The following ANKUB1 variants were observed in gnomAD, a reference collection of about 807,000 sequenced individuals.
The protein encoded by ANKUB1 is ankyrin repeat and ubiquitin domain containing 1, also known as protein ANKUB1.
In ANKUB1, 42 loss-of-function variants were observed where a neutral mutation model predicts 49.3. The ratio of observed to expected loss-of-function variants is 0.85; its 90% CI spans 0.67 to 1.10. The LOEUF is 1.10. Ranked by LOEUF, ANKUB1 falls within the 50% of genes least tolerant of loss-of-function variation. ANKUB1 has a pLI of 0.00. For missense variants in ANKUB1, 613 were observed against 642.0 expected (o/e 0.95, Z 0.49); for synonymous variants, 222 against 231.0 (o/e 0.96, Z 0.35).
intron 3 of ANKUB1, among the ~76,000 whole-genome samples, chr3:149,773,093 G>A (rs1717436700): frequency 6.6e-6 from 1 of 152,124 alleles, no homozygotes; most frequent in Non-Finnish European, 1.5e-5. Flanking sequence ...GTGTCTTTAG[G>A]ATTCTTTCTA....
intron 4 of ANKUB1, among the ~76,000 whole-genome samples, chr3:149,770,184 T>G (rs1399414247): frequency 2.0e-5 from 3 of 152,230 alleles, no homozygotes; most frequent in Non-Finnish European, 2.9e-5. Context: ...GTTAATTGAC[T>G]GTGTTATCAG....
At chr3:149,782,785 C>T (rs1456170558) in intron 2 of ANKUB1, among the ~76,000 whole-genome samples, 1 of 152,190 alleles carries the variant, frequency 6.6e-6, no homozygotes, top group Non-Finnish European at 1.5e-5. Flanking sequence ...AGCAATCCAT[C>T]CACCTCAGCC....
In ANKUB1 at chr3:149,792,293, A is replaced by G; in HGVS notation, c.74T>C (p.Val25Ala). Residue 25 changes from valine (V) to alanine (A), a missense_variant, in exon 1 of 6, where the codon GTC (valine) becomes GCC (alanine). Val to Ala is a moderately conservative substitution (Grantham distance 64). Coordinates refer to ENST00000446160, the MANE Select transcript of ANKUB1 (RefSeq NM_001144960.3). ...AGTACATACCTTTATCATCAGCTTG[A>G]CAACCTCCACAGTTTCATCTGCTGA... Reference protein sequence around the residue: ...DVSADETVEVVKLMIKDYFHI... With the variant: ...DVSADETVEVAKLMIKDYFHI... 6.6e-7 allele frequency: 1 copy of G among 1,525,402 alleles called. No individual in the cohort carries two copies. The highest frequency in any genetic ancestry group is 8.8e-7 in the Non-Finnish European group (1 of 1,133,550). 94.5% of individuals were successfully genotyped at this position (1,525,402 alleles called of 1,614,324 possible).
chr3:149,777,507 A>AAC lies in ANKUB1; in HGVS notation c.451+2731_451+2732insGT, dbSNP rs201547422. Among the ~76,000 whole-genome samples, 29 of 152,204 alleles carry AAC rather than the reference A, an allele frequency of 1.9e-4. 1 individual carries two copies. The highest frequency in any genetic ancestry group is 1.8e-3 in the Admixed American group (27 of 15,278). The stretch of plus-strand genomic sequence containing the variant: ...CAACAACAACAACAACAACAAAAAA[A>AAC]CACTCCTGTTCCAGAAGGTGCATGG... On this transcript the variant is annotated intron_variant, in intron 3 of 5. Transcript: ENST00000446160.
At chr3:149,781,449 C>T (rs527854665) in intron 2 of ANKUB1, among the ~76,000 whole-genome samples, 33 of 152,264 alleles carry the variant, frequency 2.2e-4, no homozygotes, top group South Asian at 6.2e-4. Flanking sequence ...TTTTCTGCAA[C>T]GGCCTGTTGT....
chr3:149,768,351 C>T (rs1345706176), intron 4 of ANKUB1, among the ~76,000 whole-genome samples: 4 of 152,130 alleles, frequency 2.6e-5, no homozygotes, highest in African/African-American at 4.8e-5. Context: ...ATTAAATCCT[C>T]GAAAAATATC....
chr3:149,771,296 G>A (rs933129232), intron 3 of ANKUB1, among the ~76,000 whole-genome samples: 3 of 152,004 alleles, frequency 2.0e-5, no homozygotes, highest in East Asian at 1.9e-4. Context: ...CTCAATTTAC[G>A]CAAGTTCCCT....
intron 5 of ANKUB1, 126 bp from the exon 6 acceptor site, chr3:149,761,739 T>C: frequency 9.7e-7 from 1 of 1,026,368 alleles, no homozygotes; most frequent in Non-Finnish European, 1.4e-6. Flanking sequence ...CATAGGTAGA[T>C]GTGAAATAGA....
intron 3 of ANKUB1, among the ~76,000 whole-genome samples, chr3:149,774,067 C>A (rs1462526916): frequency 1.3e-5 from 2 of 152,180 alleles, no homozygotes; most frequent in African/African-American, 4.8e-5. Context: ...TCATCCTGGT[C>A]AGATATTCTA....
At chr3:149,766,430 T>C (rs1361268814) in intron 5 of ANKUB1, among the ~76,000 whole-genome samples, 1 of 152,180 alleles carries the variant, frequency 6.6e-6, no homozygotes, top group Non-Finnish European at 1.5e-5. Context: ...CTCTTTCCCC[T>C]CTAATTACAA....
rs1281391267 is a variant in ANKUB1, at chr3:149,789,987, A to T, written c.234+794T>A. Among the ~76,000 whole-genome samples, 13 of 152,322 alleles carry T rather than the reference A, an allele frequency of 8.5e-5. No individual in the cohort carries two copies. In the South Asian group the frequency reaches 2.7e-3, roughly 32 times the overall value. On this transcript the variant is annotated intron_variant, in intron 2 of 5. Transcript: ENST00000446160. ...TTAACTTTGACTACCATAATTTTTT[A>T]AAATGTTAAATATGAGAAACTTGGG...
intron 3 of ANKUB1, among the ~76,000 whole-genome samples, chr3:149,777,217 T>A (rs1717636621): frequency 6.6e-6 from 1 of 152,140 alleles, no homozygotes; most frequent in African/African-American, 2.4e-5. Context: ...CTCACGCCTG[T>A]AATCCCAGCA....
intron 2 of ANKUB1, among the ~76,000 whole-genome samples, chr3:149,788,396 T>C (rs1311261318): frequency 6.6e-6 from 1 of 152,112 alleles, no homozygotes; most frequent in East Asian, 1.9e-4. Flanking sequence ...CTCTTTTTTT[T>C]TTTTGAGACA....
intron 5 of ANKUB1, 125 bp downstream of exon 5, chr3:149,767,032 G>T: frequency 9.5e-7 from 1 of 1,054,962 alleles, no homozygotes; most frequent in Non-Finnish European, 1.4e-6. Context: ...TTGAAGCTGG[G>T]TATTGATGCA....
At position 149,780,263 on chromosome 3, in the gene ANKUB1, G is replaced by A. The variant is rs1355780276; in HGVS notation, c.427C>T (p.Leu143Phe). 3.9e-6 allele frequency: 6 copies of A among 1,551,566 alleles called. No homozygotes were observed. In the Admixed American group the frequency reaches 1.2e-4, roughly 30 times the overall value. ...CCAATATCAGTCTGGTAGTCCTTGA[G>A]GGTGTTGCAATCATACATCTCCAGG... ...RGLEMYDCNT[L>F]KDYQTDIGTT... The change falls in exon 3 of 6, where the codon CTC (leucine) becomes TTC (phenylalanine). Residue 143 changes from leucine to phenylalanine, a missense_variant. Coordinates refer to ENST00000446160, the MANE Select transcript of ANKUB1 (RefSeq NM_001144960.3).
rs73870411 is a variant in ANKUB1 at position 149,778,878 on chromosome 3, G to A, written c.451+1361C>T. On this transcript the variant is annotated intron_variant, in intron 3 of 5. Transcript: ENST00000446160. ...CTACTTAACTAAGGATACCTACAAA[G>A]CCCTATGTATATGTTGGGAGAACTC... The A allele has an allele frequency of 9.3e-4, 142 of 152,232 alleles. 1 individual carries two copies. Among genetic ancestry groups the A allele is most frequent in the African/African-American group, 3.3e-3 (136 of 41,524 alleles). 9.4% of individuals were successfully genotyped at this position (152,232 alleles called of 1,614,324 possible).
At chr3:149,763,215 T>A (rs1001836859) in intron 5 of ANKUB1, among the ~76,000 whole-genome samples, 2 of 152,184 alleles carry the variant, frequency 1.3e-5, no homozygotes, top group Non-Finnish European at 2.9e-5. Flanking sequence ...CTTAAAGAAA[T>A]CATTCAGGCA....
intron 2 of ANKUB1, among the ~76,000 whole-genome samples, chr3:149,782,268 A>T (rs900104851): frequency 7.9e-5 from 12 of 151,362 alleles, no homozygotes; most frequent in East Asian, 5.8e-4. Flanking sequence ...TAAAAAAAAA[A>T]TTTTTTTTTA....
intron 4 of ANKUB1, among the ~76,000 whole-genome samples, chr3:149,768,308 A>C (rs888450519): frequency 6.6e-6 from 1 of 152,240 alleles, no homozygotes; most frequent in Non-Finnish European, 1.5e-5. Flanking sequence ...ACGTGTAAAT[A>C]GTTTCCTTGA....
Sources: allele counts gnomAD v4.1 joint callset (sites outside exome capture counted in the v4.1 genomes callset), GRCh38; gene constraint gnomAD v4.1.1; transcripts MANE v1.5; gene names NCBI Gene and HGNC (gene_info 2026-07-23, HGNC 2026-07-21).